MGAT4C: variants seen among roughly 807,000 people sequenced by gnomAD.
MGAT4C encodes alpha-1,3-mannosyl-glycoprotein 4-beta-N-acetylglucosaminyltransferase C.
MGAT4C carries 19 observed loss-of-function variants against 40.1 expected under a neutral mutation model. That is an observed-to-expected ratio of 0.47 (90% confidence interval 0.33 to 0.70). MGAT4C has a LOEUF of 0.70. MGAT4C is among the 30% of genes least tolerant of loss of function. The pLI is 0.02. For missense variants in MGAT4C, 491 were observed against 563.2 expected, an observed-to-expected ratio of 0.87 and a Z score of 1.30; for synonymous variants, 181 against 187.1, an observed-to-expected ratio of 0.97 and a Z score of 0.27.
chr12:86,660,795 T>C (rs1424961424), intron 2 of MGAT4C, among the ~76,000 whole-genome samples: 1 of 152,164 alleles, frequency 6.6e-6, no homozygotes, highest in Non-Finnish European at 1.5e-5. Flanking sequence ...TTGTTCCTAG[T>C]TGGGACATTC....
chr12:86,744,291 A>G (rs1448828836), intron 1 of MGAT4C, among the ~76,000 whole-genome samples: 1 of 151,412 alleles, frequency 6.6e-6, no homozygotes, highest in Non-Finnish European at 1.5e-5. Context: ...CCCAGACTCA[A>G]TAGGTTGCTA....
chr12:86,559,226 T>G (rs1266723359), intron 2 of MGAT4C, among the ~76,000 whole-genome samples: 1 of 151,960 alleles, frequency 6.6e-6, no homozygotes, highest in African/African-American at 2.4e-5. Flanking sequence ...TACTCAGAAC[T>G]TCAACACTCT....
chr12:86,533,658 C>A (rs1049081902), intron 2 of MGAT4C, among the ~76,000 whole-genome samples: 1 of 151,234 alleles, frequency 6.6e-6, no homozygotes, highest in Non-Finnish European at 1.5e-5. Context: ...TGTATATACA[C>A]ACATTAATTA....
chr12:86,080,138 C>A (rs957253078), intron 1 of MGAT4C, among the ~76,000 whole-genome samples: 12 of 152,154 alleles, frequency 7.9e-5, no homozygotes, highest in African/African-American at 2.9e-4. Context: ...CTGTTTATCT[C>A]ATTTTCGCTT....
chr12:86,277,927 T>C (rs1321721762), intron 4 of MGAT4C, among the ~76,000 whole-genome samples: 1 of 152,172 alleles, frequency 6.6e-6, no homozygotes, highest in African/African-American at 2.4e-5. Flanking sequence ...TCTATTTCAT[T>C]TAAGCATGTC....
At chr12:86,431,903 A>G (rs188972281) in intron 3 of MGAT4C, among the ~76,000 whole-genome samples, 93 of 152,240 alleles carry the variant, frequency 6.1e-4, no homozygotes, top group Admixed American at 5.2e-3. Context: ...GATTGCTGAT[A>G]TTTTAAGTAA....
intron 3 of MGAT4C, among the ~76,000 whole-genome samples, chr12:86,344,941 T>C (rs183897962): frequency 2.0e-4 from 30 of 152,300 alleles, no homozygotes; most frequent in Admixed American, 1.8e-3. Flanking sequence ...GGTAAATACA[T>C]TGCTGTTAGC....
chr12:86,727,534 G>A (rs919716658), intron 1 of MGAT4C, among the ~76,000 whole-genome samples: 18 of 151,702 alleles, frequency 1.2e-4, no homozygotes, highest in Admixed American at 1.2e-3. Flanking sequence ...AGAGAGGATC[G>A]AAGAGGCAAA....
intron 1 of MGAT4C, among the ~76,000 whole-genome samples, chr12:86,176,284 T>C (rs1887422875): frequency 6.6e-6 from 1 of 152,212 alleles, no homozygotes; most frequent in South Asian, 2.1e-4. Flanking sequence ...TGGAACATCC[T>C]TTATTTCACT....
At chr12:86,361,030 C>A (rs1313315493) in intron 3 of MGAT4C, among the ~76,000 whole-genome samples, 6 of 85,376 alleles carry the variant, frequency 7.0e-5, no homozygotes, top group African/African-American at 2.1e-4. Flanking sequence ...ATTGCAAGGA[C>A]AATCCTAAGC....
chr12:86,449,040 G>C (rs1401043864), intron 2 of MGAT4C, among the ~76,000 whole-genome samples: 1 of 152,118 alleles, frequency 6.6e-6, no homozygotes, highest in East Asian at 1.9e-4. Context: ...TGAAAAGAGA[G>C]CAGAGGTATA....
intron 2 of MGAT4C, among the ~76,000 whole-genome samples, chr12:86,578,387 T>C (rs370284905): frequency 2.3e-4 from 35 of 151,870 alleles, no homozygotes; most frequent in African/African-American, 8.5e-4. Context: ...ACTGGCCTCA[T>C]AGAATGAATT....
chr12:86,053,169 T>A (rs1416335659), intron 1 of MGAT4C, among the ~76,000 whole-genome samples: 2 of 133,732 alleles, frequency 1.5e-5, no homozygotes, highest in South Asian at 2.2e-4. Flanking sequence ...CCACGGTGAC[T>A]TTTTTTTTTT....
intron 4 of MGAT4C, among the ~76,000 whole-genome samples, chr12:86,275,429 T>G (rs901341766): frequency 1.3e-5 from 2 of 152,150 alleles, no homozygotes; most frequent in Non-Finnish European, 2.9e-5. Flanking sequence ...TGTTAAGCAA[T>G]CAGTACAATG....
chr12:86,762,117 T>A (rs1282183845), intron 1 of MGAT4C, among the ~76,000 whole-genome samples: 1 of 151,682 alleles, frequency 6.6e-6, no homozygotes, highest in Admixed American at 6.6e-5. Context: ...AGTGGCATGA[T>A]CATGGCTCAC....
intron 1 of MGAT4C, among the ~76,000 whole-genome samples, chr12:86,102,446 C>A (rs112842372): frequency 6.6e-6 from 1 of 151,816 alleles, no homozygotes; most frequent in Non-Finnish European, 1.5e-5. Context: ...AGTGTATTTA[C>A]CTTTATGAGA....
chr12:86,646,856 G>GA (rs1963555016), intron 2 of MGAT4C, among the ~76,000 whole-genome samples: 1 of 151,934 alleles, frequency 6.6e-6, no homozygotes, highest in African/African-American at 2.4e-5. Context: ...GTATGGGGTA[G>GA]AATATTATGT....
intron 2 of MGAT4C, among the ~76,000 whole-genome samples, chr12:86,547,519 C>A (rs1959201959): frequency 6.6e-6 from 1 of 152,054 alleles, no homozygotes; most frequent in South Asian, 2.1e-4. Context: ...TGGTTCATAG[C>A]ATGTACTCAA....
In MGAT4C at chr12:85,979,168, C is replaced by A; in HGVS notation, c.*121G>T. 2 of 721,268 alleles carry A rather than the reference C, an allele frequency of 2.8e-6. No homozygotes were observed. The highest frequency in any genetic ancestry group is 2.3e-5 in the South Asian group (1 of 44,318). The allele number at this position is 721,268 out of a possible 1,614,324, so 44.7% of individuals were successfully genotyped here. On this transcript the variant is annotated 3_prime_UTR_variant, in exon 5 of 5. Transcript: ENST00000611864. ...GTCAACAATGTATAAATGAAAACTG[C>A]CAATGTAATTAATGTTTCTTTTAAC...
Sources: allele counts gnomAD v4.1 joint callset (sites outside exome capture counted in the v4.1 genomes callset), GRCh38; gene constraint gnomAD v4.1.1; transcripts MANE v1.5; gene names NCBI Gene and HGNC (gene_info 2026-07-23, HGNC 2026-07-21).